HIPK2: variants seen among roughly 807,000 people sequenced by gnomAD.
HIPK2 encodes homeodomain interacting protein kinase 2.
Under a neutral mutation model 113.7 loss-of-function variants are expected in HIPK2, and 27 were observed. The observed-to-expected ratio is 0.24, with a 90% CI of 0.17 to 0.33. The LOEUF is 0.33. Ranked by LOEUF, HIPK2 falls within the 10% of genes least tolerant of loss-of-function variation. HIPK2 has a pLI of 1.00. For missense variants in HIPK2, 1,257 were observed against 1,588.0 expected, an observed-to-expected ratio of 0.79 and a Z score of 3.54; for synonymous variants, 631 against 642.2, an observed-to-expected ratio of 0.98 and a Z score of 0.26.
At chr7:139,678,239 T>A (rs1181651467) in intron 2 of HIPK2, among the ~76,000 whole-genome samples, 1 of 152,252 alleles carries the variant, frequency 6.6e-6, no homozygotes, top group African/African-American at 2.4e-5. Flanking sequence ...ATCCCATTTG[T>A]CAATTTTGGC....
chr7:139,714,902 C>T lies in HIPK2; in HGVS notation c.1103+1030G>A, dbSNP rs1447489967. On this transcript the variant is annotated intron_variant, in intron 2 of 14. Transcript: ENST00000406875. This position sits in a 1 kb window ranked among gnomAD's most constrained non-coding sequence, Gnocchi z 4.2. Reference sequence around the variant, plus strand: ...GTGACACACCTAAGCCATGTTACAGCCATGTTACCTCCCAGCTGCCCACGA... The same window carrying T: ...GTGACACACCTAAGCCATGTTACAGTCATGTTACCTCCCAGCTGCCCACGA... Among the ~76,000 whole-genome samples, 1 of 152,202 alleles carries T rather than the reference C, an allele frequency of 6.6e-6. No individual in the cohort carries two copies. Among genetic ancestry groups the T allele is most frequent in the Non-Finnish European group, 1.5e-5 (1 of 68,034 alleles).
At chr7:139,583,229 G>A (rs985245821) in intron 13 of HIPK2, among the ~76,000 whole-genome samples, 5 of 152,228 alleles carry the variant, frequency 3.3e-5, no homozygotes, top group Non-Finnish European at 7.3e-5. Flanking sequence ...AGAAGGTTAC[G>A]TTCTCAGCCT....
chr7:139,617,677 A>G (rs1800104332), intron 7 of HIPK2, among the ~76,000 whole-genome samples: 1 of 152,242 alleles, frequency 6.6e-6, no homozygotes. Flanking sequence ...TTAACGGGTT[A>G]TGAATTATTG....
chr7:139,674,146 T>C (rs1469207153), intron 2 of HIPK2, among the ~76,000 whole-genome samples: 1 of 151,970 alleles, frequency 6.6e-6, no homozygotes, highest in East Asian at 1.9e-4. Flanking sequence ...GATTAATATA[T>C]AAAAAAGACG....
chr7:139,573,011 G>C lies in HIPK2; in HGVS notation c.3513C>G (p.Thr1171=). ...TGGAGGCTGGCGAGGCGCTGATGTA[G>C]GTCTGGTGGGCAAATTGGGCTGGAT... ...SQYPAQFAHQ[T]YISASPASTV... The change falls in exon 15 of 15, where the codon ACC becomes ACG. Residue 1171 remains threonine (T), a synonymous_variant. Transcript: ENST00000406875. 1 of 1,612,276 alleles carries C rather than the reference G, an allele frequency of 6.2e-7. No individual in the cohort carries two copies. Among genetic ancestry groups the C allele is most frequent in the Non-Finnish European group, 8.5e-7 (1 of 1,179,310 alleles).
chr7:139,572,822 G>C lies in HIPK2; in HGVS notation c.*105C>G. On this transcript the variant is annotated 3_prime_UTR_variant, in exon 15 of 15. Transcript: ENST00000406875. ...GCATTGTTTGTGTGCGGCATCTTCA[G>C]TATAAAAGGCCAGCGCCCACGGTCC... 2 of 453,660 alleles carry C rather than the reference G, an allele frequency of 4.4e-6. No homozygotes were observed. Among genetic ancestry groups the C allele is most frequent in the South Asian group, 4.6e-5 (2 of 43,236 alleles). 28.1% of individuals were successfully genotyped at this position (453,660 alleles called of 1,614,324 possible).
chr7:139,767,005 A>G (rs901872616), intron 1 of HIPK2, among the ~76,000 whole-genome samples: 5 of 152,184 alleles, frequency 3.3e-5, no homozygotes, highest in Non-Finnish European at 7.4e-5. Flanking sequence ...GCATGTGCCT[A>G]TGGCTTCTGG....
intron 2 of HIPK2, among the ~76,000 whole-genome samples, chr7:139,695,128 A>C (rs1239323228): frequency 6.6e-6 from 1 of 152,214 alleles, no homozygotes; most frequent in African/African-American, 2.4e-5. Flanking sequence ...CACGGACTTC[A>C]CTCACAAACA....
chr7:139,670,751 C>CTTTTTTT lies in HIPK2; in HGVS notation c.1104-39027_1104-39026insAAAAAAA, dbSNP rs1802244998. On this transcript the variant is annotated intron_variant, in intron 2 of 14. Coordinates refer to ENST00000406875, the MANE Select transcript of HIPK2 (RefSeq NM_022740.5). ...TTTTCTTTTCTTTCTTTCTTTCTTT[C>CTTTTTTT]TTTCTTTCTTTTTTTTTTTTTTTTT... Among the ~76,000 whole-genome samples the CTTTTTTT allele has an allele frequency of 5.1e-5, 3 of 58,986 alleles. 1 individual carries two copies. Among genetic ancestry groups the CTTTTTTT allele is most frequent in the African/African-American group, 1.6e-4 (3 of 18,508 alleles). 38.7% of individuals were successfully genotyped at this position (58,986 alleles called of 152,430 possible). A position where few individuals can be genotyped will look rare whatever the true frequency, so the allele number is the denominator to read the frequency against.
At chr7:139,719,674 T>A (rs1286203626) in intron 1 of HIPK2, among the ~76,000 whole-genome samples, 1 of 152,242 alleles carries the variant, frequency 6.6e-6, no homozygotes, top group African/African-American at 2.4e-5. Flanking sequence ...ACTGTTCTAG[T>A]CACTTGGCTC....
At chr7:139,704,293 AC>A (rs1290002542) in intron 2 of HIPK2, among the ~76,000 whole-genome samples, 1 of 130,012 alleles carries the variant, frequency 7.7e-6, no homozygotes, top group Non-Finnish European at 1.6e-5. Flanking sequence ...CACACACCAC[AC>A]CCAACACATA....
At chr7:139,757,564 G>A (rs117014388) in intron 1 of HIPK2, among the ~76,000 whole-genome samples, 17 of 152,302 alleles carry the variant, frequency 1.1e-4, no homozygotes, top group Non-Finnish European at 2.4e-4. Flanking sequence ...AAAGGCATGC[G>A]ACAACATGGA....
chr7:139,656,406 T>C (rs1801671175), intron 2 of HIPK2, among the ~76,000 whole-genome samples: 1 of 152,238 alleles, frequency 6.6e-6, no homozygotes, highest in South Asian at 2.1e-4. Context: ...CACGTTTACC[T>C]TTATTTCTTG....
intron 2 of HIPK2, among the ~76,000 whole-genome samples, chr7:139,708,346 G>T (rs962248570): frequency 2.0e-5 from 3 of 152,068 alleles, no homozygotes; most frequent in African/African-American, 7.3e-5. Flanking sequence ...ACAGCTTTCT[G>T]TAAGTAAATC....
chr7:139,752,930 C>G (rs2117115094), intron 1 of HIPK2, among the ~76,000 whole-genome samples: 1 of 152,252 alleles, frequency 6.6e-6, no homozygotes, highest in Middle Eastern at 3.4e-3. Context: ...ATCTAGGTGA[C>G]AAACGAGGCA....
chr7:139,652,905 G>A (rs1801514353), intron 2 of HIPK2, among the ~76,000 whole-genome samples: 1 of 152,146 alleles, frequency 6.6e-6, no homozygotes, highest in Non-Finnish European at 1.5e-5. Context: ...CACTTTGGGA[G>A]GCCGGGGTGG....
At chr7:139,750,687 C>G (rs1412235787) in intron 1 of HIPK2, among the ~76,000 whole-genome samples, 1 of 152,158 alleles carries the variant, frequency 6.6e-6, no homozygotes, top group Non-Finnish European at 1.5e-5. Context: ...CATGTTAGGC[C>G]TTGAGCTTCC....
chr7:139,651,516 C>G (rs977434554), intron 2 of HIPK2, among the ~76,000 whole-genome samples: 5 of 152,326 alleles, frequency 3.3e-5, no homozygotes, highest in African/African-American at 4.8e-5. Flanking sequence ...GCCCTCTGCA[C>G]GTGTGTGTCA....
At chr7:139,587,488 CAAAAAAAAAAA>C (rs1213368741) in intron 12 of HIPK2, among the ~76,000 whole-genome samples, 93 of 44,046 alleles carry the variant, frequency 2.1e-3, no homozygotes, top group African/African-American at 6.3e-3. Context: ...GACTGTGTCT[CAAAAAAAAAAA>C]AAAAAAAAAA....
Sources: allele counts gnomAD v4.1 joint callset (sites outside exome capture counted in the v4.1 genomes callset), GRCh38; gene constraint gnomAD v4.1.1; non-coding constraint Gnocchi (gnomAD v3.1); transcripts MANE v1.5; gene names NCBI Gene and HGNC (gene_info 2026-07-23, HGNC 2026-07-21).